The following CADPS2 variants were observed in gnomAD, a reference collection of about 807,000 sequenced individuals.
CADPS2 encodes the protein calcium-dependent secretion activator 2.
CADPS2 carries 93 observed loss-of-function variants against 172.5 expected under a neutral mutation model. The observed-to-expected ratio is 0.54, with a 90% CI of 0.46 to 0.64. The LOEUF (loss-of-function observed/expected upper bound fraction) is 0.64, where lower values mean the gene tolerates loss of function less well. CADPS2 is among the 30% of genes least tolerant of loss of function. CADPS2 has a pLI of 0.00. For synonymous variants in CADPS2, 546 were observed against 555.2 expected (o/e 0.98, Z 0.23); for missense variants, 1,420 against 1,565.9 (o/e 0.91, Z 1.57).
intron 25 of CADPS2, among the ~76,000 whole-genome samples, chr7:122,375,205 T>C (rs2042202937): frequency 6.6e-6 from 1 of 151,952 alleles, no homozygotes; most frequent in Non-Finnish European, 1.5e-5. Flanking sequence ...AATCCAATCC[T>C]AAAATTCATC....
At chr7:122,656,250 A>T (rs1280062051) in intron 3 of CADPS2, among the ~76,000 whole-genome samples, 2 of 152,124 alleles carry the variant, frequency 1.3e-5, no homozygotes, top group Admixed American at 1.3e-4. Context: ...TCCAAAAAAG[A>T]TCCCTGTATG....
At chr7:122,834,406 T>C (rs1807584728) in intron 1 of CADPS2, among the ~76,000 whole-genome samples, 1 of 152,014 alleles carries the variant, frequency 6.6e-6, no homozygotes, top group Admixed American at 6.5e-5. Flanking sequence ...AGGTACCGGG[T>C]TCATCTCACT....
intron 8 of CADPS2, among the ~76,000 whole-genome samples, chr7:122,534,962 G>C (rs576745294): frequency 6.6e-5 from 10 of 152,166 alleles, no homozygotes; most frequent in African/African-American, 2.4e-4. Flanking sequence ...GTGACTCATG[G>C]ACCAAATCTG....
At chr7:122,676,837 T>C (rs1588339352) in intron 2 of CADPS2, 6 of 589,518 alleles carry the variant, frequency 1.0e-5, no homozygotes, top group Non-Finnish European at 1.7e-5. Context: ...TTGGTGACAG[T>C]ATTTTTTTTT....
intron 1 of CADPS2, among the ~76,000 whole-genome samples, chr7:122,843,204 G>T (rs1465679327): frequency 2.0e-5 from 3 of 151,988 alleles, no homozygotes; most frequent in Non-Finnish European, 4.4e-5. Context: ...CTAGACAAAA[G>T]CATGTACTCA....
chr7:122,563,523 G>T (rs939472584), intron 7 of CADPS2, among the ~76,000 whole-genome samples: 16 of 152,054 alleles, frequency 1.1e-4, no homozygotes, highest in African/African-American at 3.9e-4. Flanking sequence ...ATCACTTCAA[G>T]ATAACAACAG....
chr7:122,398,073 A>G (rs1178590711), intron 20 of CADPS2, among the ~76,000 whole-genome samples: 1 of 152,228 alleles, frequency 6.6e-6, no homozygotes, highest in African/African-American at 2.4e-5. Flanking sequence ...TGGCTTAAAT[A>G]TAAGCTAAAC....
rs151286444 is a variant in CADPS2, at chr7:122,826,241, T to G, written c.339+59758A>C. Among the ~76,000 whole-genome samples, 473 of 152,320 alleles carry G rather than the reference T, an allele frequency of 3.1e-3. No individual in the cohort carries two copies. In the Middle Eastern group the frequency reaches 0.034, roughly 11 times the overall value. On this transcript the variant is annotated intron_variant, in intron 1 of 29. Transcript: ENST00000449022. ...GCCCCATCCCCATGCCAACTAGGGCTGAGTGAGGAACCTGCACTTCTACCT... is the reference window on the plus strand; with the variant it reads ...GCCCCATCCCCATGCCAACTAGGGCGGAGTGAGGAACCTGCACTTCTACCT...
At chr7:122,724,799 T>A (rs571136507) in intron 2 of CADPS2, among the ~76,000 whole-genome samples, 1 of 152,064 alleles carries the variant, frequency 6.6e-6, no homozygotes, top group East Asian at 1.9e-4. Flanking sequence ...ACAAGTCCTG[T>A]AAGTCAGCGA....
At chr7:122,441,074 A>T (rs1286388921) in intron 16 of CADPS2, among the ~76,000 whole-genome samples, 1 of 152,204 alleles carries the variant, frequency 6.6e-6, no homozygotes, top group Non-Finnish European at 1.5e-5. Context: ...TCTGAGATGA[A>T]TATTGAATGA....
At chr7:122,528,527 G>C (rs1351937055) in intron 8 of CADPS2, among the ~76,000 whole-genome samples, 1 of 152,078 alleles carries the variant, frequency 6.6e-6, no homozygotes, top group African/African-American at 2.4e-5. Flanking sequence ...ATTTAGGGGA[G>C]AATGAATAAC....
At chr7:122,693,783 C>G (rs995051852) in intron 2 of CADPS2, among the ~76,000 whole-genome samples, 1 of 152,056 alleles carries the variant, frequency 6.6e-6, no homozygotes, top group Non-Finnish European at 1.5e-5. Context: ...TGGCAAAACC[C>G]CAACTCTACT....
chr7:122,851,240 G>C (rs1813509174), intron 1 of CADPS2, among the ~76,000 whole-genome samples: 1 of 152,170 alleles, frequency 6.6e-6, no homozygotes, highest in Non-Finnish European at 1.5e-5. Flanking sequence ...GGGAAGATAT[G>C]AGAATTGGAC....
chr7:122,838,762 C>T (rs1584810479), intron 1 of CADPS2, among the ~76,000 whole-genome samples: 4 of 152,142 alleles, frequency 2.6e-5, no homozygotes, highest in East Asian at 1.9e-4. Flanking sequence ...CAAACCACTG[C>T]TCAACGAAAT....
chr7:122,397,917 A>T (rs1272631610), intron 20 of CADPS2, among the ~76,000 whole-genome samples: 1 of 152,186 alleles, frequency 6.6e-6, no homozygotes, highest in African/African-American at 2.4e-5. Flanking sequence ...GCCTGAGGGG[A>T]AAGCCAGCAC....
intron 1 of CADPS2, chr7:122,849,842 A>G (rs1450089977): frequency 1.2e-5 from 7 of 564,732 alleles, no homozygotes; most frequent in Admixed American, 4.4e-5. Flanking sequence ...GTTTCCCACT[A>G]TGGTGTTTCC....
At chr7:122,698,248 T>A in intron 2 of CADPS2, 1 of 1,613,978 alleles carries the variant, frequency 6.2e-7, no homozygotes, top group African/African-American at 1.3e-5. Flanking sequence ...TGTTAATCGC[T>A]GCCATCTCCG....
chr7:122,714,953 A>C (rs1441390411), intron 2 of CADPS2, among the ~76,000 whole-genome samples: 2 of 152,136 alleles, frequency 1.3e-5, no homozygotes. Context: ...GTTAAACGTC[A>C]TACAGCTATA....
At chr7:122,635,664 T>C (rs942074174) in intron 3 of CADPS2, among the ~76,000 whole-genome samples, 1 of 152,218 alleles carries the variant, frequency 6.6e-6, no homozygotes, top group Non-Finnish European at 1.5e-5. Flanking sequence ...CACATTTTCT[T>C]AATCCAGTCT....
Sources: gnomAD v4.1 joint callset for allele counts (sites outside exome capture counted in the v4.1 genomes callset) on GRCh38, gnomAD v4.1.1 for gene constraint, MANE v1.5 for transcripts, NCBI Gene and HGNC (gene_info 2026-07-23, HGNC 2026-07-21) for gene names.